Variants in FHIT observed in about 807,000 individuals in gnomAD.
FHIT encodes bis(5'-adenosyl)-triphosphatase.
FHIT carries 19 observed loss-of-function variants against 17.9 expected under a neutral mutation model. The observed-to-expected ratio is 1.06, with a 90% CI of 0.74 to 1.56. The LOEUF is 1.56. Ranked by LOEUF, FHIT falls within the 40% of genes most tolerant of loss-of-function variation. FHIT has a pLI of 0.00. For synonymous variants in FHIT, 81 were observed against 69.7 expected, an observed-to-expected ratio of 1.16 and a Z score of -0.81; for missense variants, 248 against 189.2, an observed-to-expected ratio of 1.31 and a Z score of -1.82.
intron 4 of FHIT, among the ~76,000 whole-genome samples, chr3:60,728,899 A>T (rs59918590): frequency 0.02 from 2,983 of 152,306 alleles, 99 homozygotes; most frequent in African/African-American, 0.068. Context: ...GATCTCCAGA[A>T]ATGTACAAAT....
chr3:60,471,809 C>G (rs986423687), intron 5 of FHIT, among the ~76,000 whole-genome samples: 1 of 152,116 alleles, frequency 6.6e-6, no homozygotes, highest in African/African-American at 2.4e-5. Context: ...CCCCCTGCCA[C>G]CCCACCCCTC....
At chr3:61,098,248 C>A (rs1339653457) in intron 2 of FHIT, among the ~76,000 whole-genome samples, 1 of 152,124 alleles carries the variant, frequency 6.6e-6, no homozygotes, top group African/African-American at 2.4e-5. Flanking sequence ...TATCGAAGAT[C>A]AGATGGTTGT....
At chr3:61,220,077 T>G (rs1179372716) in intron 1 of FHIT, among the ~76,000 whole-genome samples, 1 of 152,200 alleles carries the variant, frequency 6.6e-6, no homozygotes, top group Non-Finnish European at 1.5e-5. Flanking sequence ...TAACAATTAT[T>G]TACATACCTA....
chr3:60,846,239 C>A (rs1049583453), intron 3 of FHIT, among the ~76,000 whole-genome samples: 7 of 152,000 alleles, frequency 4.6e-5, no homozygotes, highest in Admixed American at 2.6e-4. Context: ...CACCCTTCTG[C>A]CTAATGTATT....
chr3:60,367,329 T>G (rs372211296), intron 5 of FHIT, among the ~76,000 whole-genome samples: 1 of 152,154 alleles, frequency 6.6e-6, no homozygotes, highest in Non-Finnish European at 1.5e-5. Context: ...TAGCTAACAC[T>G]CCTCAAAGTA....
At chr3:61,025,031 C>G (rs920457269) in intron 3 of FHIT, among the ~76,000 whole-genome samples, 3 of 138,710 alleles carry the variant, frequency 2.2e-5, no homozygotes, top group Non-Finnish European at 3.1e-5. Flanking sequence ...CTTCTCTCCA[C>G]TCTCCATTTC....
At chr3:60,504,442 AAT>A (rs11388787) in intron 5 of FHIT, among the ~76,000 whole-genome samples, 9 of 142,294 alleles carry the variant, frequency 6.3e-5, no homozygotes, top group Non-Finnish European at 7.7e-5. Context: ...AAAAAAAAAA[AAT>A]TTTTTTTTTG....
intron 5 of FHIT, among the ~76,000 whole-genome samples, chr3:60,230,839 T>C (rs1320705786): frequency 6.6e-6 from 1 of 152,216 alleles, no homozygotes; most frequent in Non-Finnish European, 1.5e-5. Context: ...GCCTCCTAAG[T>C]AGCTGGGATT....
intron 5 of FHIT, among the ~76,000 whole-genome samples, chr3:60,501,338 G>C (rs1377902394): frequency 6.6e-6 from 1 of 152,136 alleles, no homozygotes; most frequent in East Asian, 1.9e-4. Flanking sequence ...AATTTAAACA[G>C]TAATTTGAGT....
intron 5 of FHIT, among the ~76,000 whole-genome samples, chr3:60,129,705 A>G (rs779340460): frequency 9.9e-5 from 15 of 152,144 alleles, no homozygotes; most frequent in Non-Finnish European, 2.1e-4. Flanking sequence ...CATCCCAAAT[A>G]TAAACATCTG....
intron 3 of FHIT, among the ~76,000 whole-genome samples, chr3:60,823,737 C>T (rs1407447081): frequency 6.6e-6 from 1 of 152,106 alleles, no homozygotes; most frequent in East Asian, 1.9e-4. Flanking sequence ...GTTACTGCCA[C>T]CCTAGGAAAT....
intron 5 of FHIT, among the ~76,000 whole-genome samples, chr3:60,307,533 T>C (rs1259044284): frequency 6.6e-6 from 1 of 152,028 alleles, no homozygotes; most frequent in Non-Finnish European, 1.5e-5. Context: ...TTGACAATGA[T>C]ATTTACTTTG....
At chr3:60,926,121 T>C (rs7610999) in intron 3 of FHIT, among the ~76,000 whole-genome samples, 146,867 of 152,190 alleles carry the variant, frequency 0.97, 71,081 homozygotes, top group South Asian at 1. Context: ...ACTTTAACAA[T>C]CCACTGTCAA....
At chr3:60,758,344 A>C (rs1575487967) in intron 4 of FHIT, among the ~76,000 whole-genome samples, 2 of 152,354 alleles carry the variant, frequency 1.3e-5, no homozygotes, top group East Asian at 3.9e-4. Context: ...GTTAAACTCT[A>C]GTCAAATTAC....
chr3:60,687,705 T>C (rs1425621274), intron 4 of FHIT, among the ~76,000 whole-genome samples: 1 of 152,150 alleles, frequency 6.6e-6, no homozygotes, highest in Non-Finnish European at 1.5e-5. Context: ...TAAAATATTC[T>C]ATCAATTCTG....
At chr3:60,741,030 A>C (rs2042229413) in intron 4 of FHIT, among the ~76,000 whole-genome samples, 1 of 152,234 alleles carries the variant, frequency 6.6e-6, no homozygotes, top group African/African-American at 2.4e-5. Flanking sequence ...ACCCAGAAAA[A>C]AAGTCCAGGG....
At chr3:60,512,381 T>C (rs889093854) in intron 5 of FHIT, among the ~76,000 whole-genome samples, 4 of 152,204 alleles carry the variant, frequency 2.6e-5, no homozygotes, top group African/African-American at 9.6e-5. Flanking sequence ...ACTCCTCACC[T>C]GAATCAACAT....
intron 3 of FHIT, among the ~76,000 whole-genome samples, chr3:60,924,496 T>A (rs1553769320): frequency 1.3e-5 from 2 of 151,532 alleles, no homozygotes; most frequent in African/African-American, 4.8e-5. Flanking sequence ...CAGCTGAGAG[T>A]CCTGACTGTT....
intron 2 of FHIT, among the ~76,000 whole-genome samples, chr3:61,086,065 A>C (rs962894422): frequency 6.6e-6 from 1 of 152,144 alleles, no homozygotes; most frequent in African/African-American, 2.4e-5. Flanking sequence ...AAAGAATTTT[A>C]TTGTTTCCTT....
Sources: gnomAD v4.1 joint callset for allele counts (sites outside exome capture counted in the v4.1 genomes callset) on GRCh38, gnomAD v4.1.1 for gene constraint, MANE v1.5 for transcripts, NCBI Gene and HGNC (gene_info 2026-07-23, HGNC 2026-07-21) for gene names.